The following PALS2 variants were observed in gnomAD, a reference collection of about 807,000 sequenced individuals.
PALS2 encodes protein associated with LIN7 2, MAGUK p55 family member, also known as protein PALS2.
Under a neutral mutation model 61.6 loss-of-function variants are expected in PALS2, and 27 were observed. That is an observed-to-expected ratio of 0.44 (90% CI 0.32 to 0.60). The LOEUF is 0.60. Ranked by LOEUF, PALS2 falls within the 20% of genes least tolerant of loss-of-function variation. The pLI is 0.05. For synonymous variants in PALS2, 236 were observed against 218.6 expected (o/e 1.08, Z -0.70); for missense variants, 554 against 639.4 (o/e 0.87, Z 1.44).
intron 11 of PALS2, among the ~76,000 whole-genome samples, chr7:24,685,767 T>C (rs1435476775): frequency 2.0e-5 from 3 of 152,066 alleles, no homozygotes; most frequent in Admixed American, 6.6e-5. Flanking sequence ...TTCAAACTCA[T>C]TTAGAAGTCT....
At chr7:24,580,740 A>G (rs1351278569) in intron 1 of PALS2, among the ~76,000 whole-genome samples, 3 of 152,230 alleles carry the variant, frequency 2.0e-5, no homozygotes, top group Non-Finnish European at 4.4e-5. Flanking sequence ...GCCTTGAACA[A>G]ATATACCCAG....
chr7:24,610,121 CAGTAGGA>C (rs1406034516), intron 1 of PALS2, among the ~76,000 whole-genome samples: 3 of 152,026 alleles, frequency 2.0e-5, no homozygotes, highest in Admixed American at 1.3e-4. Context: ...ACTAATAATG[CAGTAGGA>C]AGTATTGTTC....
intron 1 of PALS2, among the ~76,000 whole-genome samples, chr7:24,580,284 T>C (rs1782791256): frequency 6.6e-6 from 1 of 152,306 alleles, no homozygotes; most frequent in South Asian, 2.1e-4. Context: ...TATCCTACGC[T>C]AAAGGATTCT....
At chr7:24,680,958 T>C (rs563775584) in intron 11 of PALS2, among the ~76,000 whole-genome samples, 82 of 152,368 alleles carry the variant, frequency 5.4e-4, no homozygotes, top group Middle Eastern at 3.4e-3. Context: ...GAATGAAAAT[T>C]AATTAGATGT....
Position 24,692,132 on chromosome 7 carries a change from T to G in PALS2, c.*4518T>G. 1 of 152,154 alleles carries G rather than the reference T, an allele frequency of 6.6e-6. No homozygotes were observed. The highest frequency in any genetic ancestry group is 1.9e-4 in the East Asian group (1 of 5,204). The allele number at this position is 152,154 out of a possible 1,614,324, so 9.4% of individuals were successfully genotyped here. ...CTAGCTTCTGTGTTCTTGGAATAGT[T>G]TTTGAAAAATGCAGAGATTCGAACA... On this transcript the variant is annotated 3_prime_UTR_variant, in exon 12 of 12. Coordinates refer to ENST00000222644, the MANE Select transcript of PALS2 (RefSeq NM_001303037.2).
chr7:24,623,200 G>GT (rs375157787), intron 1 of PALS2, among the ~76,000 whole-genome samples: 3,257 of 128,282 alleles, frequency 0.025, 49 homozygotes, highest in East Asian at 0.069. Context: ...CTTCTCTTCC[G>GT]TTTTTTTTTT....
At chr7:24,644,827 A>G in intron 3 of PALS2, among the ~76,000 whole-genome samples, 1 of 151,674 alleles carries the variant, frequency 6.6e-6, no homozygotes, top group Non-Finnish European at 1.5e-5. Context: ...TGACCTTTTA[A>G]TAATAGCCAT....
intron 6 of PALS2, 108 bp from the exon 7 acceptor site, chr7:24,665,480 T>C (rs1355739366): frequency 2.2e-6 from 2 of 928,134 alleles, no homozygotes; most frequent in African/African-American, 3.3e-5. Flanking sequence ...CAAGGTTGTT[T>C]TTAAGAGCAA....
At chr7:24,662,263 A>G (rs760313021) in intron 5 of PALS2, among the ~76,000 whole-genome samples, 1 of 152,202 alleles carries the variant, frequency 6.6e-6, no homozygotes, top group Non-Finnish European at 1.5e-5. Context: ...CGATCACAAT[A>G]CTTTTACCAC....
intron 9 of PALS2, 35 bp downstream of exon 9, chr7:24,668,695 G>T (rs1787154871): frequency 6.2e-7 from 1 of 1,606,548 alleles, no homozygotes; most frequent in Non-Finnish European, 8.5e-7. Flanking sequence ...TATGCAATTG[G>T]CAGGAAAGAG....
chr7:24,684,321 A>G (rs892026890), intron 11 of PALS2, among the ~76,000 whole-genome samples: 4 of 152,316 alleles, frequency 2.6e-5, no homozygotes, highest in South Asian at 2.1e-4. Flanking sequence ...GGAGATCACT[A>G]TGTTTTAAAG....
chr7:24,581,244 C>CGTGTGTGTGTGT (rs55768123), intron 1 of PALS2, among the ~76,000 whole-genome samples: 3 of 143,012 alleles, frequency 2.1e-5, no homozygotes, highest in South Asian at 2.4e-4. Flanking sequence ...CATTTCCCCA[C>CGTGTGTGTGTGT]GTGTGTGTGT....
intron 8 of PALS2, 95 bp from the exon 9 acceptor site, chr7:24,668,404 A>T: frequency 8.3e-7 from 1 of 1,200,144 alleles, no homozygotes; most frequent in South Asian, 1.6e-5. Flanking sequence ...ATATTTAACT[A>T]TCAAGACAGC....
chr7:24,670,984 A>G (rs1787267589), intron 9 of PALS2, among the ~76,000 whole-genome samples: 1 of 152,196 alleles, frequency 6.6e-6, no homozygotes, highest in Non-Finnish European at 1.5e-5. Context: ...TGCTACACTC[A>G]GCATTTGTAT....
chr7:24,637,325 G>A (rs543459555), intron 2 of PALS2, among the ~76,000 whole-genome samples: 3 of 126,532 alleles, frequency 2.4e-5, no homozygotes, highest in African/African-American at 5.8e-5. Context: ...TCAGAGCAAA[G>A]CTCATCCTTT....
chr7:24,577,028 T>G (rs1270514570), intron 1 of PALS2, among the ~76,000 whole-genome samples: 2 of 152,164 alleles, frequency 1.3e-5, no homozygotes, highest in Non-Finnish European at 2.9e-5. Flanking sequence ...TCAATAATAA[T>G]GAACTCAGTA....
At chr7:24,678,773 AT>A (rs982443704) in intron 9 of PALS2, among the ~76,000 whole-genome samples, 4 of 152,174 alleles carry the variant, frequency 2.6e-5, no homozygotes, top group Non-Finnish European at 4.4e-5. Flanking sequence ...TAAGAAGCAT[AT>A]TTTTGGATAC....
intron 2 of PALS2, among the ~76,000 whole-genome samples, chr7:24,629,650 A>G (rs1020455233): frequency 5.9e-5 from 9 of 152,168 alleles, no homozygotes; most frequent in African/African-American, 9.7e-5. Context: ...AAACAACCCC[A>G]TCAAAAAGTG....
rs960572369 is a variant in PALS2, at chr7:24,691,578, T to C, written c.*3964T>C. On this transcript the variant is annotated 3_prime_UTR_variant, in exon 12 of 12. Coordinates refer to ENST00000222644, the MANE Select transcript of PALS2 (RefSeq NM_001303037.2). ...ATTTCTTTGACATTCTGAAACTTTT[T>C]TTAGATTGTTTTAAAACGCTCTGGT... 6.6e-6 allele frequency: 1 copy of C among 151,456 alleles called. No individual in the cohort carries two copies. The highest frequency in any genetic ancestry group is 2.4e-5 in the African/African-American group (1 of 41,324). The allele number at this position is 151,456 out of a possible 1,614,324, so 9.4% of individuals were successfully genotyped here.
Sources: gnomAD v4.1 joint callset for allele counts (sites outside exome capture counted in the v4.1 genomes callset) on GRCh38, gnomAD v4.1.1 for gene constraint, MANE v1.5 for transcripts, NCBI Gene and HGNC (gene_info 2026-07-23, HGNC 2026-07-21) for gene names.